Variants in ARK2C observed in about 807,000 individuals in gnomAD.
ARK2C encodes E3 ubiquitin-protein ligase ARK2C.
chr18:46,363,989 C>G, the ARK2C span, among the ~76,000 whole-genome samples: 1 of 148,558 alleles, frequency 6.7e-6, no homozygotes, highest in African/African-American at 2.5e-5. Context: ...TCTCTGCCCC[C>G]CAGGCTAGAG....
chr18:46,412,422 G>T, the ARK2C span, among the ~76,000 whole-genome samples: 1 of 152,246 alleles, frequency 6.6e-6, no homozygotes, highest in African/African-American at 2.4e-5. Context: ...ACCCTTGGTA[G>T]CAGCTCACAG....
At chr18:46,442,540 A>G in the ARK2C span, among the ~76,000 whole-genome samples, 18 of 152,242 alleles carry the variant, frequency 1.2e-4, no homozygotes, top group African/African-American at 4.3e-4. Flanking sequence ...TAATCCTTTT[A>G]TATTTATTGA....
the ARK2C span, among the ~76,000 whole-genome samples, chr18:46,443,751 C>T: frequency 2.6e-5 from 4 of 152,150 alleles, no homozygotes; most frequent in Admixed American, 6.5e-5. Context: ...AAGAAGTTTG[C>T]CAATCTCTGC....
At chr18:46,417,333 G>A in the ARK2C span, among the ~76,000 whole-genome samples, 1 of 152,164 alleles carries the variant, frequency 6.6e-6, no homozygotes. Context: ...GCAACATCCT[G>A]TAATGACCAG....
At chr18:46,383,718 C>A in the ARK2C span, among the ~76,000 whole-genome samples, 2 of 152,104 alleles carry the variant, frequency 1.3e-5, no homozygotes. Context: ...CCGCGCCCGG[C>A]TAATTTTTTG....
At chr18:46,432,571 A>G in the ARK2C span, among the ~76,000 whole-genome samples, 1 of 152,186 alleles carries the variant, frequency 6.6e-6, no homozygotes, top group Non-Finnish European at 1.5e-5. Context: ...GGGCTTGCAT[A>G]GGAGTCTAAT....
At chr18:46,352,062 T>C in the ARK2C span, among the ~76,000 whole-genome samples, 4 of 152,188 alleles carry the variant, frequency 2.6e-5, no homozygotes, top group African/African-American at 9.6e-5. Flanking sequence ...ACTCCCAGGA[T>C]GGCAGCCCTG....
chr18:46,404,142 A>G, the ARK2C span, among the ~76,000 whole-genome samples: 1 of 152,136 alleles, frequency 6.6e-6, no homozygotes, highest in Non-Finnish European at 1.5e-5. Context: ...TTTAAATATG[A>G]TTTACGGTCT....
the ARK2C span, among the ~76,000 whole-genome samples, chr18:46,414,772 G>A: frequency 6.6e-6 from 1 of 152,218 alleles, no homozygotes; most frequent in Non-Finnish European, 1.5e-5. Context: ...CTTTGCCCCA[G>A]TGCGGAGGGC....
chr18:46,421,613 C>T, the ARK2C span, among the ~76,000 whole-genome samples: 55 of 152,256 alleles, frequency 3.6e-4, no homozygotes, highest in East Asian at 0.01. Context: ...AGAATATTGT[C>T]CCATTATGCA....
the ARK2C span, among the ~76,000 whole-genome samples, chr18:46,412,391 T>C: frequency 2.6e-5 from 4 of 152,256 alleles, no homozygotes; most frequent in Non-Finnish European, 5.9e-5. Context: ...AACATGTCCC[T>C]GCCAGTCTGC....
the ARK2C span, among the ~76,000 whole-genome samples, chr18:46,351,290 G>C: frequency 6.6e-6 from 1 of 152,184 alleles, no homozygotes; most frequent in Admixed American, 6.5e-5. Flanking sequence ...CTTCCCTCCA[G>C]TCTGAAGTTT....
the ARK2C span, chr18:46,335,342 T>G: frequency 6.6e-6 from 1 of 152,156 alleles, no homozygotes; most frequent in East Asian, 1.9e-4. Context: ...CTCCCTCACA[T>G]TCTGCTACAA....
the ARK2C span, among the ~76,000 whole-genome samples, chr18:46,454,387 GATC>G: frequency 6.6e-6 from 1 of 152,104 alleles, no homozygotes; most frequent in African/African-American, 2.4e-5. Flanking sequence ...TAAGCAGGCA[GATC>G]ATCATGACTC....
the ARK2C span, among the ~76,000 whole-genome samples, chr18:46,405,433 C>T: frequency 9.6e-4 from 146 of 152,256 alleles, no homozygotes; most frequent in African/African-American, 3.3e-3. Context: ...TGAGGTGCTA[C>T]AGCAGTGGCC....
the ARK2C span, among the ~76,000 whole-genome samples, chr18:46,389,536 G>C: frequency 6.6e-6 from 1 of 152,062 alleles, no homozygotes; most frequent in Non-Finnish European, 1.5e-5. Context: ...CTCCCACCCC[G>C]GTCTAGAGTT....
At chr18:46,394,066 G>A in the ARK2C span, among the ~76,000 whole-genome samples, 1 of 152,152 alleles carries the variant, frequency 6.6e-6, no homozygotes, top group African/African-American at 2.4e-5. Flanking sequence ...TTGCCCTCGG[G>A]TACCGGAAAT....
the ARK2C span, among the ~76,000 whole-genome samples, chr18:46,352,781 TTA>T: frequency 6.6e-6 from 1 of 152,200 alleles, no homozygotes; most frequent in Non-Finnish European, 1.5e-5. Flanking sequence ...CTGGGAAGTC[TTA>T]TATACTGAAG....
the ARK2C span, chr18:46,462,042 A>C: frequency 2.0e-5 from 3 of 152,284 alleles, no homozygotes; most frequent in African/African-American, 7.2e-5. Flanking sequence ...TAGATTTTGG[A>C]ATCAAGGTCT....
Sources: gnomAD v4.1 joint callset for allele counts (sites outside exome capture counted in the v4.1 genomes callset) on GRCh38, gnomAD v4.1.1 for gene constraint, MANE v1.5 for transcripts, NCBI Gene and HGNC (gene_info 2026-07-23, HGNC 2026-07-21) for gene names.